Variants in BNC2 observed in about 807,000 individuals in gnomAD.
The protein encoded by BNC2 is basonuclin zinc finger protein 2, also known as zinc finger protein basonuclin-2.
Under a neutral mutation model 76.3 loss-of-function variants are expected in BNC2, and 20 were observed. The observed-to-expected ratio is 0.26, with a 90% CI of 0.18 to 0.38. The LOEUF (loss-of-function observed/expected upper bound fraction) is 0.38. Among genes scored for constraint, BNC2 ranks in the 10% least tolerant of loss-of-function variants. BNC2 has a pLI of 1.00. For missense variants in BNC2, 1,382 were observed against 1,399.8 expected, an observed-to-expected ratio of 0.99 and a Z score of 0.20; for synonymous variants, 582 against 514.8, an observed-to-expected ratio of 1.13 and a Z score of -1.77.
intron 1 of BNC2, among the ~76,000 whole-genome samples, chr9:16,772,994 C>T (rs1480188608): frequency 6.6e-6 from 1 of 152,088 alleles, no homozygotes; most frequent in East Asian, 1.9e-4. Context: ...CCTTAATGAA[C>T]CTGTTTGCAA....
chr9:16,464,143 T>C (rs1344005070), intron 5 of BNC2, among the ~76,000 whole-genome samples: 1 of 143,704 alleles, frequency 7.0e-6, no homozygotes, highest in East Asian at 2.0e-4. Context: ...TGATTTAAAA[T>C]GGGAGGAGCT....
chr9:16,727,272 G>A (rs1388525781), intron 3 of BNC2: 1 of 157,532 alleles, frequency 6.3e-6, no homozygotes, highest in Non-Finnish European at 1.4e-5. Context: ...AGCAACCCTC[G>A]GCGCTGGCAG....
At chr9:16,745,745 C>A (rs12002953) in intron 1 of BNC2, among the ~76,000 whole-genome samples, 1 of 152,114 alleles carries the variant, frequency 6.6e-6, no homozygotes, top group South Asian at 2.1e-4. Context: ...ATTACTTTTC[C>A]GTTTTCCTAA....
intron 5 of BNC2, among the ~76,000 whole-genome samples, chr9:16,457,333 T>C (rs1267847262): frequency 6.6e-6 from 1 of 152,122 alleles, no homozygotes; most frequent in African/African-American, 2.4e-5. Context: ...GGGACCTGTG[T>C]TGGGGGTCCA....
chr9:16,867,502 A>G (rs985091165), intron 1 of BNC2: 4 of 152,222 alleles, frequency 2.6e-5, no homozygotes, highest in Admixed American at 6.5e-5. Context: ...TGTGAACAGT[A>G]CTAAATTGAA....
intron 1 of BNC2, among the ~76,000 whole-genome samples, chr9:16,801,870 CCTT>C (rs1225961609): frequency 6.6e-6 from 1 of 152,036 alleles, no homozygotes; most frequent in Admixed American, 6.6e-5. Flanking sequence ...GTAAACTTCT[CCTT>C]CTCTGTGGTT....
Position 16,412,718 on chromosome 9 carries a change from G to GGGGA in BNC2, c.*6267_*6270dup. The GGGGA allele has an allele frequency of 9.9e-6, 1 of 100,564 alleles. No individual in the cohort carries two copies. The highest frequency in any genetic ancestry group is 2.2e-5 in the Non-Finnish European group (1 of 46,362). The allele number at this position is 100,564 out of a possible 1,614,324, so 6.2% of individuals were successfully genotyped here. On this transcript the variant is annotated 3_prime_UTR_variant, in exon 7 of 7. Coordinates refer to ENST00000380672, the MANE Select transcript of BNC2 (RefSeq NM_017637.6). ...AGAATAAGAGGGAAGGAGAGAGAGA[G>GGGGA]GGGAGAGAGAGAGAGAGAGAGAGAG...
At chr9:16,508,283 C>T (rs558209920) in intron 5 of BNC2, among the ~76,000 whole-genome samples, 5 of 152,282 alleles carry the variant, frequency 3.3e-5, no homozygotes, top group South Asian at 2.1e-4. Flanking sequence ...TTGATCATCG[C>T]GGACATTTCC....
At chr9:16,680,172 G>A (rs116930535) in intron 3 of BNC2, among the ~76,000 whole-genome samples, 4 of 152,180 alleles carry the variant, frequency 2.6e-5, no homozygotes, top group East Asian at 3.9e-4. Context: ...ATGGTTTTCC[G>A]CCATTTACTT....
At position 16,417,585 on chromosome 9, in the gene BNC2, T is replaced by C. The variant is rs1820611927; in HGVS notation, c.*1404A>G. The C allele has an allele frequency of 6.6e-6, 1 of 152,366 alleles. No individual in the cohort carries two copies. Among genetic ancestry groups the C allele is most frequent in the Non-Finnish European group, 1.5e-5 (1 of 68,056 alleles). 9.4% of individuals were successfully genotyped at this position (152,366 alleles called of 1,614,324 possible). On this transcript the variant is annotated 3_prime_UTR_variant, in exon 7 of 7. Coordinates refer to ENST00000380672, the MANE Select transcript of BNC2 (RefSeq NM_017637.6). The stretch of plus-strand genomic sequence containing the variant: ...TTGTCTACCAAACAGGCCTGAATTA[T>C]AGTACGACTGCAGAATTTGCAACAA...
intron 5 of BNC2, among the ~76,000 whole-genome samples, chr9:16,539,632 AGCGAGGGAGG>A: frequency 1.8e-4 from 6 of 33,026 alleles, no homozygotes; most frequent in African/African-American, 9.1e-4. Flanking sequence ...GGAGGGAGGG[AGCGAGGGAGG>A]GAGAGAGAGA....
At chr9:16,732,880 GA>G (rs921780977) in intron 2 of BNC2, among the ~76,000 whole-genome samples, 1 of 152,008 alleles carries the variant, frequency 6.6e-6, no homozygotes, top group Non-Finnish European at 1.5e-5. Flanking sequence ...TTATTTTATA[GA>G]AAAAAATGTT....
At chr9:16,540,156 A>ATTT (rs36075261) in intron 5 of BNC2, among the ~76,000 whole-genome samples, 5 of 118,468 alleles carry the variant, frequency 4.2e-5, no homozygotes, top group East Asian at 2.5e-4. Context: ...ATTTAACGTG[A>ATTT]TTTTTTTTTT....
chr9:16,489,757 C>G (rs1446297978), intron 5 of BNC2, among the ~76,000 whole-genome samples: 2 of 152,148 alleles, frequency 1.3e-5, no homozygotes, highest in Admixed American at 6.5e-5. Context: ...TTGAGTGTTA[C>G]ATAACGGGGG....
chr9:16,831,813 T>C (rs1818584077), intron 1 of BNC2, among the ~76,000 whole-genome samples: 1 of 152,190 alleles, frequency 6.6e-6, no homozygotes, highest in African/African-American at 2.4e-5. Flanking sequence ...GTCACACCAA[T>C]TGCATCAAGC....
At chr9:16,510,881 G>T (rs1822738901) in intron 5 of BNC2, among the ~76,000 whole-genome samples, 1 of 152,114 alleles carries the variant, frequency 6.6e-6, no homozygotes, top group Non-Finnish European at 1.5e-5. Context: ...ATGATTGCGA[G>T]ATTTTACATG....
At chr9:16,561,312 A>G (rs1401246375) in intron 4 of BNC2, among the ~76,000 whole-genome samples, 1 of 152,028 alleles carries the variant, frequency 6.6e-6, no homozygotes, top group Non-Finnish European at 1.5e-5. Flanking sequence ...CCCCACTCAC[A>G]TACCACACTG....
intron 1 of BNC2, among the ~76,000 whole-genome samples, chr9:16,756,054 T>G (rs1825376339): frequency 6.6e-6 from 1 of 152,154 alleles, no homozygotes; most frequent in Non-Finnish European, 1.5e-5. Context: ...GTGTCTCTCA[T>G]GAGATGTACA....
At chr9:16,711,060 T>C (rs535486327) in intron 3 of BNC2, among the ~76,000 whole-genome samples, 1 of 151,952 alleles carries the variant, frequency 6.6e-6, no homozygotes, top group Non-Finnish European at 1.5e-5. Context: ...AGCAGATGAA[T>C]TAGTGCTACG....
Sources: gnomAD v4.1 joint callset for allele counts (sites outside exome capture counted in the v4.1 genomes callset) on GRCh38, gnomAD v4.1.1 for gene constraint, MANE v1.5 for transcripts, NCBI Gene and HGNC (gene_info 2026-07-23, HGNC 2026-07-21) for gene names.